Variants in OTOGL observed in about 807,000 individuals in gnomAD.
The protein encoded by OTOGL is otogelin-like protein.
In OTOGL, 285 loss-of-function variants were observed where a neutral mutation model predicts 318.5. The observed-to-expected ratio is 0.89, with a 90% CI of 0.81 to 0.99. The LOEUF (loss-of-function observed/expected upper bound fraction) is 0.99. OTOGL is among the 50% of genes least tolerant of loss of function. The pLI is 0.00. For synonymous variants in OTOGL, 987 were observed against 936.5 expected (o/e 1.05, Z -0.99); for missense variants, 2,899 against 2,845.6 (o/e 1.02, Z -0.43).
intron 9 of OTOGL, among the ~76,000 whole-genome samples, chr12:80,234,841 G>A (rs1879696903): frequency 6.6e-6 from 1 of 152,184 alleles, no homozygotes; most frequent in Admixed American, 6.5e-5. Context: ...TTCCTCATAT[G>A]TAAAATAGAG....
chr12:80,126,312 A>G (rs1870834137), intron 1 of OTOGL, among the ~76,000 whole-genome samples: 1 of 152,194 alleles, frequency 6.6e-6, no homozygotes, highest in South Asian at 2.1e-4. Context: ...GTAGTCATTC[A>G]GGAGCAGGTT....
chr12:80,169,371 C>T (rs1317068474), intron 1 of OTOGL, among the ~76,000 whole-genome samples: 1 of 152,114 alleles, frequency 6.6e-6, no homozygotes, highest in Non-Finnish European at 1.5e-5. Flanking sequence ...GTCCCCTCTC[C>T]TCCAAATTCT....
rs142481332 is a variant in OTOGL at position 80,318,227 on chromosome 12, A to G, written c.3635-319A>G. Among the ~76,000 whole-genome samples, 5 of 152,168 alleles carry G rather than the reference A, an allele frequency of 3.3e-5. 1 individual carries two copies. Among genetic ancestry groups the G allele is most frequent in the African/African-American group, 1.2e-4 (5 of 41,522 alleles). ...TCTTTTTTCTCCTTCTTCAGCATGT[A>G]TTGAGTTAAATTGGCTTTGAGGTAA... On this transcript the variant is annotated intron_variant, in intron 32 of 58. Coordinates refer to ENST00000547103, the MANE Select transcript of OTOGL (RefSeq NM_001378609.3).
At chr12:80,246,249 A>C (rs1340034985) in intron 11 of OTOGL, among the ~76,000 whole-genome samples, 1 of 149,378 alleles carries the variant, frequency 6.7e-6, no homozygotes, top group Non-Finnish European at 1.5e-5. Context: ...CCGGTTTTCA[A>C]AGGGAATGCT....
At chr12:80,316,148 T>C (rs998702267) in intron 32 of OTOGL, among the ~76,000 whole-genome samples, 1 of 152,212 alleles carries the variant, frequency 6.6e-6, no homozygotes, top group Non-Finnish European at 1.5e-5. Flanking sequence ...CTGGGATTTG[T>C]GAACAATTTG....
chr12:80,292,895 G>A (rs983535461), intron 26 of OTOGL, among the ~76,000 whole-genome samples: 1 of 152,072 alleles, frequency 6.6e-6, no homozygotes, highest in South Asian at 2.1e-4. Flanking sequence ...ACATACCAAC[G>A]AAGATGAATA....
At chr12:80,157,312 G>A (rs1389327345) in intron 1 of OTOGL, among the ~76,000 whole-genome samples, 3 of 152,000 alleles carry the variant, frequency 2.0e-5, no homozygotes, top group Middle Eastern at 3.2e-3. Flanking sequence ...CATAGAGTTT[G>A]TTTGAAATCC....
chr12:80,353,033 G>A (rs183379799), intron 45 of OTOGL, among the ~76,000 whole-genome samples: 1 of 152,198 alleles, frequency 6.6e-6, no homozygotes, highest in Non-Finnish European at 1.5e-5. Context: ...CCAGACTTGG[G>A]CTGCCTGTTG....
intron 8 of OTOGL, among the ~76,000 whole-genome samples, chr12:80,230,428 T>G (rs77423320): frequency 0.066 from 10,105 of 152,248 alleles, 460 homozygotes; most frequent in Middle Eastern, 0.11. Context: ...TACACGTGTA[T>G]TTCCTAGAGC....
At chr12:80,262,229 AT>A (rs557089482) in intron 19 of OTOGL, 136 bp downstream of exon 19, 10,815 of 847,748 alleles carry the variant, frequency 0.013, 1 homozygote, top group South Asian at 0.018. Context: ...TTCCTCGTGT[AT>A]TTTTTTTTTG....
chr12:80,243,976 A>G (rs1248511549), intron 11 of OTOGL, among the ~76,000 whole-genome samples: 1 of 150,582 alleles, frequency 6.6e-6, no homozygotes, highest in Non-Finnish European at 1.5e-5. Flanking sequence ...CCACCAGTAC[A>G]AACTAGGCGC....
intron 4 of OTOGL, among the ~76,000 whole-genome samples, chr12:80,214,699 G>A (rs139667044): frequency 4.1e-4 from 62 of 152,264 alleles, no homozygotes; most frequent in Admixed American, 1.6e-3. Flanking sequence ...ACCAAGGACA[G>A]TGAGATATAA....
chr12:80,166,071 A>G (rs1439089948), intron 1 of OTOGL, among the ~76,000 whole-genome samples: 1 of 152,134 alleles, frequency 6.6e-6, no homozygotes, highest in Non-Finnish European at 1.5e-5. Flanking sequence ...ATATATTTTC[A>G]TACATTTTCC....
intron 1 of OTOGL, among the ~76,000 whole-genome samples, chr12:80,113,790 C>A (rs1369727438): frequency 6.6e-6 from 1 of 152,196 alleles, no homozygotes; most frequent in Admixed American, 6.5e-5. Context: ...CTTTATGAAT[C>A]TGGGTGCTCC....
chr12:80,307,793 C>G (rs1460329459), intron 29 of OTOGL, among the ~76,000 whole-genome samples: 1 of 139,624 alleles, frequency 7.2e-6, no homozygotes. Context: ...CAGAGGGGCT[C>G]CTCACTTCCC....
chr12:80,319,016 A>C (rs891441536), intron 33 of OTOGL, among the ~76,000 whole-genome samples: 1 of 152,204 alleles, frequency 6.6e-6, no homozygotes, highest in African/African-American at 2.4e-5. Flanking sequence ...ATGTTTTTGA[A>C]AAACCATCCA....
intron 1 of OTOGL, among the ~76,000 whole-genome samples, chr12:80,182,246 A>C (rs933204191): frequency 5.9e-5 from 9 of 152,094 alleles, no homozygotes. Context: ...TGTTATCAAA[A>C]CTTCCTACTC....
At chr12:80,179,826 T>C (rs1371291579) in intron 1 of OTOGL, among the ~76,000 whole-genome samples, 1 of 152,208 alleles carries the variant, frequency 6.6e-6, no homozygotes, top group East Asian at 1.9e-4. Context: ...CCATCATGTA[T>C]TGGTGGTGCT....
chr12:80,236,816 C>CTTTTTTTTTTTTTTTTT (rs1376942990), intron 9 of OTOGL, among the ~76,000 whole-genome samples: 1 of 137,614 alleles, frequency 7.3e-6, no homozygotes. Context: ...TTTTTCTTTT[C>CTTTTTTTTTTTTTTTTT]TTTTTTTTTT....
Sources: gnomAD v4.1 joint callset for allele counts (sites outside exome capture counted in the v4.1 genomes callset) on GRCh38, gnomAD v4.1.1 for gene constraint, MANE v1.5 for transcripts, NCBI Gene and HGNC (gene_info 2026-07-23, HGNC 2026-07-21) for gene names.